The following HIPK2 variants were observed in gnomAD, a reference collection of about 807,000 sequenced individuals.
The protein encoded by HIPK2 is homeodomain interacting protein kinase 2.
HIPK2 carries 27 observed loss-of-function variants against 113.7 expected under a neutral mutation model. That is an observed-to-expected ratio of 0.24 (90% confidence interval 0.17 to 0.33). The LOEUF is 0.33. Ranked by LOEUF, HIPK2 falls within the 10% of genes least tolerant of loss-of-function variation. HIPK2 has a pLI of 1.00. For missense variants in HIPK2, 1,257 were observed against 1,588.0 expected (o/e 0.79, Z 3.54); for synonymous variants, 631 against 642.2 (o/e 0.98, Z 0.26).
Position 139,613,032 on chromosome 7 carries a change from T to C in HIPK2, c.2112+170A>G, listed in dbSNP as rs2116780294. ...TCTTCTTGGAATTGTAAGCAGATACTTAGGAAGGTAATTCACTTGGGGACC... is the reference window on the plus strand; with the variant it reads ...TCTTCTTGGAATTGTAAGCAGATACCTAGGAAGGTAATTCACTTGGGGACC... On this transcript the variant is annotated intron_variant, in intron 9 of 14. Coordinates refer to ENST00000406875, the MANE Select transcript of HIPK2 (RefSeq NM_022740.5). The surrounding 1 kb of genome is among the most constrained non-coding windows in gnomAD (Gnocchi z 4.2). The C allele has an allele frequency of 3.3e-6, 1 of 300,536 alleles. No homozygotes were observed. Among genetic ancestry groups the C allele is most frequent in the East Asian group, 1.7e-4 (1 of 5,820 alleles). 18.6% of individuals were successfully genotyped at this position (300,536 alleles called of 1,614,324 possible).
intron 2 of HIPK2, among the ~76,000 whole-genome samples, chr7:139,668,201 T>C (rs1328794710): frequency 6.6e-5 from 10 of 151,622 alleles, no homozygotes; most frequent in African/African-American, 2.4e-4. Flanking sequence ...CGGTATCTTA[T>C]GCAATAATAG....
intron 12 of HIPK2, among the ~76,000 whole-genome samples, chr7:139,592,698 G>C (rs1489552276): frequency 6.6e-6 from 1 of 152,264 alleles, no homozygotes; most frequent in Non-Finnish European, 1.5e-5. Flanking sequence ...CGTGGATCAA[G>C]AGAGTCCAGG....
chr7:139,691,995 A>C (rs1434268673), intron 2 of HIPK2, among the ~76,000 whole-genome samples: 1 of 152,228 alleles, frequency 6.6e-6, no homozygotes, highest in Non-Finnish European at 1.5e-5. Flanking sequence ...CAGGATATTT[A>C]TAAAAAGATG....
chr7:139,696,664 G>C (rs1315013661), intron 2 of HIPK2, among the ~76,000 whole-genome samples: 1 of 151,954 alleles, frequency 6.6e-6, no homozygotes, highest in Non-Finnish European at 1.5e-5. Flanking sequence ...ACCAAACCCA[G>C]ATACTTTTCA....
At chr7:139,658,474 C>G (rs568253060) in intron 2 of HIPK2, among the ~76,000 whole-genome samples, 19 of 152,306 alleles carry the variant, frequency 1.2e-4, no homozygotes, top group Admixed American at 2.6e-4. Flanking sequence ...GTTTTCAATT[C>G]CACTGAATTA....
intron 6 of HIPK2, among the ~76,000 whole-genome samples, chr7:139,622,936 C>T (rs138833047): frequency 6.6e-6 from 1 of 152,302 alleles, no homozygotes; most frequent in East Asian, 1.9e-4. Context: ...TTCTTCCTTA[C>T]AGAACCCAGA....
intron 2 of HIPK2, among the ~76,000 whole-genome samples, chr7:139,634,438 G>A (rs764606910): frequency 1.1e-4 from 17 of 151,972 alleles, no homozygotes; most frequent in Non-Finnish European, 1.8e-4. Context: ...GATGCCTGTG[G>A]TGGCTCCAAG....
rs143338152 is a variant in HIPK2 at position 139,705,903 on chromosome 7, G to A, written c.1103+10029C>T. ...GCCAGGCACGGGTTGAGCAGCTGAC[G>A]ATTGGCCTTACTCTCTCCAGGAAGG... On this transcript the variant is annotated intron_variant, in intron 2 of 14. Coordinates refer to ENST00000406875, the MANE Select transcript of HIPK2 (RefSeq NM_022740.5). Among the ~76,000 whole-genome samples, 500 of 151,848 alleles carry A rather than the reference G, an allele frequency of 3.3e-3. 5 individuals are homozygous for A. Among genetic ancestry groups the A allele is most frequent in the African/African-American group, 0.01 (422 of 41,386 alleles).
chr7:139,713,573 T>A (rs1013851284), intron 2 of HIPK2, among the ~76,000 whole-genome samples: 11 of 152,236 alleles, frequency 7.2e-5, no homozygotes, highest in Non-Finnish European at 1.0e-4. Context: ...GTGCTGCCTT[T>A]TAAACAGAGT....
intron 1 of HIPK2, among the ~76,000 whole-genome samples, chr7:139,730,650 C>A (rs1056735309): frequency 1.6e-4 from 24 of 152,180 alleles, no homozygotes; most frequent in African/African-American, 5.1e-4. Context: ...CATGAGCCAT[C>A]GCACCTGGCC....
intron 9 of HIPK2, among the ~76,000 whole-genome samples, chr7:139,605,252 G>A (rs998225803): frequency 5.3e-5 from 8 of 151,984 alleles, no homozygotes; most frequent in Admixed American, 4.6e-4. Flanking sequence ...GTGTGTGTGT[G>A]TGTGTGTGTG....
chr7:139,629,258 G>A (rs577993669), intron 4 of HIPK2, among the ~76,000 whole-genome samples: 2 of 152,096 alleles, frequency 1.3e-5, no homozygotes, highest in African/African-American at 2.4e-5. Flanking sequence ...GGCTGGCTCC[G>A]GGTCAGGTAT....
At chr7:139,692,215 C>T (rs980232378) in intron 2 of HIPK2, among the ~76,000 whole-genome samples, 3 of 152,172 alleles carry the variant, frequency 2.0e-5, no homozygotes, top group Non-Finnish European at 4.4e-5. Context: ...GAAATACATA[C>T]ATTTAATAAC....
chr7:139,776,946 G>C (rs1310996643), intron 1 of HIPK2: 1 of 152,124 alleles, frequency 6.6e-6, no homozygotes, highest in African/African-American at 2.4e-5. Flanking sequence ...AACACAGATC[G>C]ACCCAGACCG....
At chr7:139,604,335 G>A in intron 9 of HIPK2, 112 bp from the exon 10 acceptor site, 11 of 1,437,294 alleles carry the variant, frequency 7.7e-6, no homozygotes, top group Non-Finnish European at 9.4e-6. Flanking sequence ...TCATGGGTGT[G>A]AGAGTGAGGG....
At chr7:139,758,098 G>C (rs1045799172) in intron 1 of HIPK2, among the ~76,000 whole-genome samples, 10 of 152,148 alleles carry the variant, frequency 6.6e-5, no homozygotes, top group Admixed American at 3.3e-4. Context: ...AATTTAATGT[G>C]ATCCCAATGG....
At chr7:139,634,290 C>T (rs10238994) in intron 2 of HIPK2, among the ~76,000 whole-genome samples, 24,170 of 151,814 alleles carry the variant, frequency 0.16, 2,463 homozygotes, top group African/African-American at 0.29. Context: ...TCCCCATCGC[C>T]TGCTGCTGGG....
At chr7:139,703,917 T>A (rs1343142564) in intron 2 of HIPK2, among the ~76,000 whole-genome samples, 1 of 103,992 alleles carries the variant, frequency 9.6e-6, no homozygotes, top group Non-Finnish European at 1.9e-5. Flanking sequence ...ACCCAACACA[T>A]ACAACCCCTC....
intron 9 of HIPK2, among the ~76,000 whole-genome samples, chr7:139,609,318 C>T (rs907876633): frequency 3.9e-5 from 6 of 152,162 alleles, no homozygotes; most frequent in African/African-American, 1.4e-4. Flanking sequence ...ACCATTTCCA[C>T]CTGCCATGCA....
Sources: allele counts gnomAD v4.1 joint callset (sites outside exome capture counted in the v4.1 genomes callset), GRCh38; gene constraint gnomAD v4.1.1; non-coding constraint Gnocchi (gnomAD v3.1); transcripts MANE v1.5; gene names NCBI Gene and HGNC (gene_info 2026-07-23, HGNC 2026-07-21).